ABLIM2: variants seen among roughly 807,000 people sequenced by gnomAD.
The protein encoded by ABLIM2 is actin binding LIM protein family member 2.
In ABLIM2, 53 loss-of-function variants were observed where a neutral mutation model predicts 97.7. The ratio of observed to expected loss-of-function variants is 0.54; its 90% confidence interval spans 0.44 to 0.68. The LOEUF (loss-of-function observed/expected upper bound fraction) is 0.68, where lower values mean the gene tolerates loss of function less well. Ranked by LOEUF, ABLIM2 falls within the 30% of genes least tolerant of loss-of-function variation. The pLI, the probability that ABLIM2 is intolerant of heterozygous loss-of-function variation, is 0.00. For missense variants in ABLIM2, 835 were observed against 867.2 expected, an observed-to-expected ratio of 0.96 and a Z score of 0.47; for synonymous variants, 361 against 345.8, an observed-to-expected ratio of 1.04 and a Z score of -0.49.
At chr4:8,062,585 C>T (rs933232795) in intron 6 of ABLIM2, among the ~76,000 whole-genome samples, 1 of 152,064 alleles carries the variant, frequency 6.6e-6, no homozygotes, top group African/African-American at 2.4e-5. Flanking sequence ...ACTACAGACC[C>T]CCACCACCAC....
At chr4:8,114,516 C>G (rs1033259701) in intron 1 of ABLIM2, among the ~76,000 whole-genome samples, 1 of 152,186 alleles carries the variant, frequency 6.6e-6, no homozygotes, top group African/African-American at 2.4e-5. Flanking sequence ...CCTACTGCCC[C>G]GCCCAAGTGT....
At position 8,122,589 on chromosome 4, in the gene ABLIM2, C is replaced by T. The variant is rs1184367431; in HGVS notation, c.11-15952G>A. Among the ~76,000 whole-genome samples the T allele has an allele frequency of 6.6e-6, 1 of 152,198 alleles. No individual in the cohort carries two copies. Among genetic ancestry groups the T allele is most frequent in the East Asian group, 1.9e-4 (1 of 5,192 alleles). Reference sequence around the variant, plus strand: ...CACGACCTCATCTAAACCCCATCACCTCCCCAAGGCCCCTCCTCCAAATAG... The same window carrying T: ...CACGACCTCATCTAAACCCCATCACTTCCCCAAGGCCCCTCCTCCAAATAG... On this transcript the variant is annotated intron_variant, in intron 1 of 20. Coordinates refer to ENST00000447017, the MANE Select transcript of ABLIM2 (RefSeq NM_001130083.2). The surrounding 1 kb of genome is among the most constrained non-coding windows in gnomAD (Gnocchi z 4.1).
intron 2 of ABLIM2, among the ~76,000 whole-genome samples, chr4:8,105,430 C>G (rs1348564307): frequency 6.6e-6 from 1 of 152,266 alleles, no homozygotes; most frequent in Non-Finnish European, 1.5e-5. Context: ...GCCTGGCGCA[C>G]AGCAGGGCCT....
chr4:8,080,674 A>G lies in ABLIM2; in HGVS notation c.581+2T>C. ...TCTCACTAGAGCCCTCCCCCCACTT[A>G]CTTGCTGATGTACTCGGCATTCAGG... On this transcript the variant is annotated splice_donor_variant, in intron 5 of 20. Coordinates refer to ENST00000447017, the MANE Select transcript of ABLIM2 (RefSeq NM_001130083.2). LOFTEE classifies it high-confidence loss of function. 6.2e-7 allele frequency: 1 copy of G among 1,600,676 alleles called. No individual in the cohort carries two copies. Among genetic ancestry groups the G allele is most frequent in the South Asian group, 1.1e-5 (1 of 89,414 alleles).
In ABLIM2 at chr4:8,075,424, G is replaced by A. The variant is rs1449837971; in HGVS notation, c.675+2204C>T. ...AACCATTGAATGGGCTGGGTATGGT[G>A]ACTCACACCTGTAATCCCAGCACTT... On this transcript the variant is annotated intron_variant, in intron 6 of 20. Transcript: ENST00000447017. The surrounding 1 kb of genome is among the most constrained non-coding windows in gnomAD (Gnocchi z 4.4). Among the ~76,000 whole-genome samples, 1 of 152,198 alleles carries A rather than the reference G, an allele frequency of 6.6e-6. No individual in the cohort carries two copies. Among genetic ancestry groups the A allele is most frequent in the Admixed American group, 6.5e-5 (1 of 15,280 alleles).
rs1471171632 is a variant in ABLIM2, at chr4:8,033,709, T to A, written c.1047+2440A>T. Reference sequence around the variant, plus strand: ...CCCTTCTCTGCCCTCTGGGGACAGGTCCTGGGGTCAGGATCATCCATGGTT... The same window carrying A: ...CCCTTCTCTGCCCTCTGGGGACAGGACCTGGGGTCAGGATCATCCATGGTT... On this transcript the variant is annotated intron_variant, in intron 10 of 20. Transcript: ENST00000447017. The surrounding 1 kb of genome is among the most constrained non-coding windows in gnomAD (Gnocchi z 4.5). 6.6e-6 allele frequency among the ~76,000 whole-genome samples: 1 copy of A among 152,122 alleles called. No homozygotes were observed. The highest frequency in any genetic ancestry group is 1.5e-5 in the Non-Finnish European group (1 of 68,008).
At position 8,051,270 on chromosome 4, in the gene ABLIM2, C is replaced by T. The variant is rs186815593; in HGVS notation, c.822+2918G>A. ...GTTATTAAGAAATTATTTTAGGGGC[C>T]GGGCGTGGTAGCTCACGCCTGTAAT... On this transcript the variant is annotated intron_variant, in intron 8 of 20. Coordinates refer to ENST00000447017, the MANE Select transcript of ABLIM2 (RefSeq NM_001130083.2). Among the ~76,000 whole-genome samples the T allele has an allele frequency of 8.4e-3, 1,277 of 152,206 alleles. 10 individuals are homozygous for T. Among genetic ancestry groups the T allele is most frequent in the Middle Eastern group, 0.041 (12 of 294 alleles).
rs186978700 is a variant in ABLIM2, at chr4:8,127,245, C to T, written c.11-20608G>A. ...CCAGACGCAGCTCCGATACCAGCAC[C>T]GTGTGAGGTTGGATCAGACTCTTCC... On this transcript the variant is annotated intron_variant, in intron 1 of 20. Transcript: ENST00000447017. The surrounding 1 kb of genome is among the most constrained non-coding windows in gnomAD (Gnocchi z 7.3). Among the ~76,000 whole-genome samples, 20 of 152,254 alleles carry T rather than the reference C, an allele frequency of 1.3e-4. No individual in the cohort carries two copies. In the East Asian group the frequency reaches 1.5e-3, roughly 12 times the overall value.
chr4:8,006,979 G>T (rs1761856301), intron 16 of ABLIM2: 3 of 973,604 alleles, frequency 3.1e-6, no homozygotes, highest in Non-Finnish European at 3.7e-6. Context: ...AGGCCTGAGG[G>T]GTGCACAGAC....
rs1172901593 is a variant in ABLIM2 at position 8,058,084 on chromosome 4, C to T, written c.763+2883G>A. On this transcript the variant is annotated intron_variant, in intron 7 of 20. Transcript: ENST00000447017. This position sits in a 1 kb window ranked among gnomAD's most constrained non-coding sequence, Gnocchi z 4.2. ...GGCCTCAGGCCAGTCCTGAAGGGCG[C>T]CTTTGTTCCTGAGATGAGGTTACCC... Among the ~76,000 whole-genome samples the T allele has an allele frequency of 1.3e-5, 2 of 152,240 alleles. No individual in the cohort carries two copies. Among genetic ancestry groups the T allele is most frequent in the African/African-American group, 4.8e-5 (2 of 41,462 alleles).
chr4:8,090,271 C>T (rs1396216822), intron 3 of ABLIM2, among the ~76,000 whole-genome samples: 4 of 152,230 alleles, frequency 2.6e-5, no homozygotes, highest in African/African-American at 9.7e-5. Context: ...CCCTCCCCAT[C>T]CCTGGATGTG....
chr4:8,022,285 C>T lies in ABLIM2; in HGVS notation c.1268-1982G>A, dbSNP rs925350599. 6.6e-6 allele frequency among the ~76,000 whole-genome samples: 1 copy of T among 152,154 alleles called. No homozygotes were observed. The highest frequency in any genetic ancestry group is 2.1e-4 in the South Asian group (1 of 4,832). On this transcript the variant is annotated intron_variant, in intron 12 of 20. Transcript: ENST00000447017. The surrounding 1 kb of genome is among the most constrained non-coding windows in gnomAD (Gnocchi z 7.8). ...CATGGCCCCTGATCTGCCTCAGCCCCCACTCAGTGGGCCGAGGATCTAACA... is the reference window on the plus strand; with the variant it reads ...CATGGCCCCTGATCTGCCTCAGCCCTCACTCAGTGGGCCGAGGATCTAACA...
rs536132841 is a variant in ABLIM2, at chr4:7,984,835, G to A, written c.1735+4C>T. 54 of 1,597,488 alleles carry A rather than the reference G, an allele frequency of 3.4e-5. No homozygotes were observed. Among genetic ancestry groups the A allele is most frequent in the East Asian group, 9.0e-5 (4 of 44,310 alleles). The stretch of plus-strand genomic sequence containing the variant: ...GAGACCCACAGGGTCCCCGCTCTGT[G>A]TACCTCGCATGCCCCAGCTGGCATC... On this transcript the variant is annotated splice_donor_region_variant and intron_variant, in intron 18 of 20. Coordinates refer to ENST00000447017, the MANE Select transcript of ABLIM2 (RefSeq NM_001130083.2).
At position 8,055,413 on chromosome 4, in the gene ABLIM2, C is replaced by T. The variant is rs971958816; in HGVS notation, c.764-1167G>A. Among the ~76,000 whole-genome samples, 6 of 149,540 alleles carry T rather than the reference C, an allele frequency of 4.0e-5. No individual in the cohort carries two copies. The South Asian group carries it at 8.5e-4, about 21-fold the overall frequency. On this transcript the variant is annotated intron_variant, in intron 7 of 20. Coordinates refer to ENST00000447017, the MANE Select transcript of ABLIM2 (RefSeq NM_001130083.2). ...CTGCACTCACACACCCAGCCTGACC[C>T]GCCACTCCCTGCGAGGGGCTGGCAC...
chr4:7,973,885 C>G (rs1027631480), intron 20 of ABLIM2, among the ~76,000 whole-genome samples: 20 of 152,190 alleles, frequency 1.3e-4, no homozygotes, highest in Admixed American at 3.3e-4. Context: ...AGTCTAGATG[C>G]TGCTGTGAAA....
rs1173959000 is a variant in ABLIM2 at position 8,149,174 on chromosome 4, C to G, written c.10+9506G>C. The stretch of plus-strand genomic sequence containing the variant: ...GGGGCCCCTCCCTTCATCCTCAGAG[C>G]CAGGCGTGGAGACTTCTCTCTCCTC... On this transcript the variant is annotated intron_variant, in intron 1 of 20. Transcript: ENST00000447017. The surrounding 1 kb of genome is among the most constrained non-coding windows in gnomAD (Gnocchi z 6.4). 4.6e-5 allele frequency among the ~76,000 whole-genome samples: 7 copies of G among 152,224 alleles called. No homozygotes were observed. The highest frequency in any genetic ancestry group is 7.3e-5 in the Non-Finnish European group (5 of 68,044).
intron 1 of ABLIM2, among the ~76,000 whole-genome samples, chr4:8,107,568 C>T (rs922010088): frequency 3.3e-5 from 5 of 152,154 alleles, no homozygotes; most frequent in East Asian, 1.9e-4. Context: ...CCCAGCTGCC[C>T]GGACAAGTGG....
At position 8,061,126 on chromosome 4, in the gene ABLIM2, T is replaced by G. The variant is rs954538403; in HGVS notation, c.676-72A>C. On this transcript the variant is annotated intron_variant, in intron 6 of 20. Coordinates refer to ENST00000447017, the MANE Select transcript of ABLIM2 (RefSeq NM_001130083.2). This position sits in a 1 kb window ranked among gnomAD's most constrained non-coding sequence, Gnocchi z 4.5. The stretch of plus-strand genomic sequence containing the variant: ...GTCGGCTGGGTCCCAGCGCCCGGCA[T>G]GGATACAGCATGCCCTGAGCACAGG... 6.8e-6 allele frequency: 9 copies of G among 1,325,162 alleles called. No individual in the cohort carries two copies. The Admixed American group carries it at 9.9e-5, about 15-fold the overall frequency. 82.1% of individuals were successfully genotyped at this position (1,325,162 alleles called of 1,614,324 possible).
At chr4:8,106,673 G>A in intron 1 of ABLIM2, 36 bp from the exon 2 acceptor site, 7 of 1,569,598 alleles carry the variant, frequency 4.5e-6, no homozygotes, top group Admixed American at 1.8e-5. Flanking sequence ...GTTCAAGGGT[G>A]GATGTGTGAG....
Sources: allele counts gnomAD v4.1 joint callset (sites outside exome capture counted in the v4.1 genomes callset), GRCh38; gene constraint gnomAD v4.1.1; non-coding constraint Gnocchi (gnomAD v3.1); transcripts MANE v1.5; gene names NCBI Gene and HGNC (gene_info 2026-07-23, HGNC 2026-07-21).